The following BPIFB6 variants were observed in gnomAD, a reference collection of about 807,000 sequenced individuals.
BPIFB6 encodes the protein BPI fold containing family B member 6.
In BPIFB6, 47 loss-of-function variants were observed where a neutral mutation model predicts 54.7. That is an observed-to-expected ratio of 0.86 (90% CI 0.68 to 1.10). The LOEUF (loss-of-function observed/expected upper bound fraction) is 1.10, where lower values mean the gene tolerates loss of function less well. Ranked by LOEUF, BPIFB6 falls within the 50% of genes least tolerant of loss-of-function variation. The probability of loss-of-function intolerance (pLI) is 0.00; values close to 1 mark genes in which losing one functional copy is unlikely to be tolerated. For synonymous variants in BPIFB6, 255 were observed against 225.9 expected, an observed-to-expected ratio of 1.13 and a Z score of -1.16; for missense variants, 603 against 564.1, an observed-to-expected ratio of 1.07 and a Z score of -0.70.
chr20:33,041,372 T>C (rs939217172), intron 11 of BPIFB6, among the ~76,000 whole-genome samples: 2 of 152,146 alleles, frequency 1.3e-5, no homozygotes, highest in African/African-American at 2.4e-5. Context: ...TCCTTCTTCC[T>C]CTTGACTTTG....
intron 12 of BPIFB6, among the ~76,000 whole-genome samples, chr20:33,042,339 A>G (rs1393296391): frequency 1.3e-5 from 2 of 152,206 alleles, no homozygotes; most frequent in African/African-American, 4.8e-5. Context: ...CCCAACACAG[A>G]ACCTGACCCC....
At chr20:33,040,856 A>G (rs1443535207) in intron 11 of BPIFB6, among the ~76,000 whole-genome samples, 2 of 152,238 alleles carry the variant, frequency 1.3e-5, no homozygotes, top group African/African-American at 2.4e-5. Context: ...ACTTGCCTTA[A>G]TAATGAATCA....
intron 3 of BPIFB6, among the ~76,000 whole-genome samples, chr20:33,034,534 T>C (rs758276460): frequency 2.0e-5 from 3 of 152,102 alleles, no homozygotes; most frequent in Non-Finnish European, 4.4e-5. Flanking sequence ...GGGGAGGCAA[T>C]GACAGCAAAG....
intron 2 of BPIFB6, chr20:33,033,537 ACT>A (rs757962634): frequency 7.7e-5 from 35 of 456,302 alleles, no homozygotes; most frequent in Admixed American, 1.4e-4. Context: ...GCTCTGAGGC[ACT>A]GTCTGCACTC....
intron 14 of BPIFB6, 25 bp from the exon 15 acceptor site, chr20:33,043,990 C>A: frequency 6.2e-7 from 1 of 1,614,136 alleles, no homozygotes; most frequent in Non-Finnish European, 8.5e-7. Context: ...GGTCATTGCT[C>A]TCCTACCCCT....
intron 2 of BPIFB6, among the ~76,000 whole-genome samples, chr20:33,033,924 G>C (rs1195464322): frequency 6.6e-6 from 1 of 152,144 alleles, no homozygotes; most frequent in Non-Finnish European, 1.5e-5. Context: ...GCCCACATAA[G>C]GAAATGACAC....
chr20:33,037,860 G>T (rs1600525554), intron 8 of BPIFB6, 122 bp downstream of exon 8: 5 of 1,095,326 alleles, frequency 4.6e-6, no homozygotes, highest in Non-Finnish European at 6.6e-6. Context: ...GAAGATGCAG[G>T]ACCGATTTGA....
intron 1 of BPIFB6, 70 bp from the exon 2 acceptor site, chr20:33,032,914 G>T: frequency 7.9e-7 from 1 of 1,264,688 alleles, no homozygotes. Context: ...GCACAGTGAC[G>T]GTGAGTGGCC....
rs369014011 is a variant in BPIFB6 at position 33,034,921 on chromosome 20, C to A, written c.452+9C>A. On this transcript the variant is annotated intron_variant, in intron 4 of 14. Coordinates refer to ENST00000349552, the MANE Select transcript of BPIFB6 (RefSeq NM_174897.2). ...ACTAACCTGCCTAGCAAGTGAGGGGCTCTGTGGCTGGGGAGGAAGGCCGGT... is the reference window on the plus strand; with the variant it reads ...ACTAACCTGCCTAGCAAGTGAGGGGATCTGTGGCTGGGGAGGAAGGCCGGT... 1.2e-6 allele frequency: 2 copies of A among 1,607,260 alleles called. No homozygotes were observed. The highest frequency in any genetic ancestry group is 2.2e-5 in the South Asian group (2 of 90,714).
rs201009412 is a variant in BPIFB6 at position 33,037,547 on chromosome 20, C to T, written c.670-15C>T. 3.4e-4 allele frequency: 545 copies of T among 1,593,524 alleles called. No homozygotes were observed. The highest frequency in any genetic ancestry group is 4.6e-4 in the Non-Finnish European group (533 of 1,166,018). ...CTCGGCCAAGGCTGAGTGTCTCCCT[C>T]CTGCTGCCCCATAGCCTGTGGTGCA... On this transcript the variant is annotated splice_polypyrimidine_tract_variant and intron_variant, in intron 7 of 14. Transcript: ENST00000349552.
intron 13 of BPIFB6, 139 bp downstream of exon 13, chr20:33,043,017 T>A: frequency 2.6e-6 from 2 of 780,144 alleles, no homozygotes; most frequent in Non-Finnish European, 4.2e-6. Context: ...AATTGCTGAA[T>A]CTTTGAAGTG....
intron 5 of BPIFB6, 103 bp from the exon 6 acceptor site, chr20:33,035,509 C>G: frequency 2.4e-6 from 3 of 1,239,810 alleles, no homozygotes; most frequent in Non-Finnish European, 3.6e-6. Context: ...TCCCCAGTCC[C>G]TGTCCCACCA....
chr20:33,036,535 G>A lies in BPIFB6; in HGVS notation c.668G>A (p.Ser223Asn). 3 of 1,614,058 alleles carry A rather than the reference G, an allele frequency of 1.9e-6. No homozygotes were observed. The highest frequency in any genetic ancestry group is 2.5e-6 in the Non-Finnish European group (3 of 1,179,884). Residue 223 changes from serine to asparagine, a missense_variant and splice_region_variant, in exon 7 of 15, where the codon AGT (serine) becomes AAT (asparagine). Ser to Asn is a conservative substitution (Grantham distance 46). Coordinates refer to ENST00000349552, the MANE Select transcript of BPIFB6 (RefSeq NM_174897.2). ...GCCAGCTACATCCAACTGGACTTCAGTGTAAGCGCCTAGGGCCACCTGGGA... is the reference window on the plus strand; with the variant it reads ...GCCAGCTACATCCAACTGGACTTCAATGTAAGCGCCTAGGGCCACCTGGGA... ...TTASYIQLDFSPVVQQQKGKT... is the reference protein window; with the variant it reads ...TTASYIQLDFNPVVQQQKGKT...
At chr20:33,033,203 T>C in intron 2 of BPIFB6, 120 bp downstream of exon 2, 2 of 772,126 alleles carry the variant, frequency 2.6e-6, no homozygotes. Context: ...GTCTCTTCCC[T>C]GCCTTGTGCT....
chr20:33,042,214 T>A (rs1369817612), intron 12 of BPIFB6, among the ~76,000 whole-genome samples, 199 bp downstream of exon 12: 2 of 152,220 alleles, frequency 1.3e-5, no homozygotes, highest in Non-Finnish European at 2.9e-5. Flanking sequence ...CTTTTCTGGA[T>A]AGAATCTGGA....
intron 5 of BPIFB6, 43 bp from the exon 6 acceptor site, chr20:33,035,569 C>T: frequency 6.2e-7 from 1 of 1,603,172 alleles, no homozygotes; most frequent in Non-Finnish European, 8.5e-7. Context: ...TGGAGGCTCT[C>T]CATGCAGGGA....
rs1473945000 is a variant in BPIFB6, at chr20:33,044,018, G to A, written c.1333G>A (p.Ala445Thr). ...CTACCCCTTTGCCTTTTGCCAGAAT[G>A]CCCTGATGCTGGACTTGAAGCTGGG... ...NLAELDIVEN[A>T]LMLDLKLG The change falls in exon 15 of 15, where the codon GCC (alanine) becomes ACC (threonine). Residue 445 changes from alanine (A) to threonine (T), a missense_variant. By Grantham distance (58) the Ala-to-Thr change is moderately conservative. Coordinates refer to ENST00000349552, the MANE Select transcript of BPIFB6 (RefSeq NM_174897.2). The A allele has an allele frequency of 6.2e-7, 1 of 1,614,186 alleles. No homozygotes were observed. Among genetic ancestry groups the A allele is most frequent in the Non-Finnish European group, 8.5e-7 (1 of 1,180,036 alleles).
At chr20:33,042,068 A>C in intron 12 of BPIFB6, 53 bp downstream of exon 12, 1 of 1,565,316 alleles carries the variant, frequency 6.4e-7, no homozygotes, top group Non-Finnish European at 8.8e-7. Flanking sequence ...GACTGGGCCT[A>C]TTCTCCCTCG....
Position 33,034,788 on chromosome 20 carries a change from A to G in BPIFB6, c.328A>G (p.Ile110Val). 1 of 1,612,578 alleles carries G rather than the reference A, an allele frequency of 6.2e-7. No individual in the cohort carries two copies. Among genetic ancestry groups the G allele is most frequent in the African/African-American group, 1.3e-5 (1 of 75,032 alleles). ...KSFMGGNMEI[I>V]VALNITATNR... ...CTTCATGGGAGGGAACATGGAGATC[A>G]TCGTGGCCCTGAACATCACAGCCAC... Residue 110 changes from isoleucine (I) to valine (V), a missense_variant, in exon 4 of 15, where the codon ATC (isoleucine) becomes GTC (valine). By Grantham distance (29) the Ile-to-Val change is conservative. Transcript: ENST00000349552.
Sources: gnomAD v4.1 joint callset for allele counts (sites outside exome capture counted in the v4.1 genomes callset) on GRCh38, gnomAD v4.1.1 for gene constraint, MANE v1.5 for transcripts, NCBI Gene and HGNC (gene_info 2026-07-23, HGNC 2026-07-21) for gene names.